Variants in TAF4B observed in about 807,000 individuals in gnomAD.
TAF4B encodes transcription initiation factor TFIID subunit 4B.
In TAF4B, 38 loss-of-function variants were observed where a neutral mutation model predicts 86.4. The observed-to-expected ratio is 0.44, with a 90% confidence interval of 0.34 to 0.58. The LOEUF is 0.58. TAF4B is among the 20% of genes least tolerant of loss of function. The pLI is 0.02. For synonymous variants in TAF4B, 388 were observed against 391.2 expected, an observed-to-expected ratio of 0.99 and a Z score of 0.10; for missense variants, 988 against 1,027.6, an observed-to-expected ratio of 0.96 and a Z score of 0.53.
chr18:26,305,969 G>C (rs1187373648), intron 9 of TAF4B, among the ~76,000 whole-genome samples: 1 of 152,106 alleles, frequency 6.6e-6, no homozygotes, highest in Non-Finnish European at 1.5e-5. Context: ...GGTTATATTT[G>C]TTAGAATTTG....
intron 13 of TAF4B, chr18:26,348,468 T>A (rs574551255): frequency 6.5e-6 from 1 of 154,230 alleles, no homozygotes; most frequent in East Asian, 1.9e-4. Flanking sequence ...CTTACAGATG[T>A]AGTAACTGTG....
intron 10 of TAF4B, among the ~76,000 whole-genome samples, chr18:26,319,782 G>A (rs2056946330): frequency 6.6e-6 from 1 of 152,078 alleles, no homozygotes; most frequent in Non-Finnish European, 1.5e-5. Flanking sequence ...TAGAGACGGG[G>A]TTTCACCGTG....
chr18:26,351,614 T>G (rs1284623694), intron 13 of TAF4B, among the ~76,000 whole-genome samples: 1 of 152,132 alleles, frequency 6.6e-6, no homozygotes, highest in Non-Finnish European at 1.5e-5. Flanking sequence ...CCCATAAATA[T>G]GTACAATTAT....
At chr18:26,309,245 A>ATTTTTTTTTTTTTTT (rs59457633) in intron 9 of TAF4B, among the ~76,000 whole-genome samples, 1 of 84,590 alleles carries the variant, frequency 1.2e-5, no homozygotes, top group African/African-American at 3.8e-5. Flanking sequence ...ACCTGACAGT[A>ATTTTTTTTTTTTTTT]TTTTTTTTTT....
At chr18:26,298,401 T>C (rs1302006778) in intron 9 of TAF4B, among the ~76,000 whole-genome samples, 1 of 151,554 alleles carries the variant, frequency 6.6e-6, no homozygotes, top group East Asian at 2.0e-4. Flanking sequence ...GCTAATTTTG[T>C]TTTTGTATTT....
intron 1 of TAF4B, among the ~76,000 whole-genome samples, chr18:26,228,565 C>T (rs2055614014): frequency 6.6e-6 from 1 of 152,076 alleles, no homozygotes; most frequent in African/African-American, 2.4e-5. Context: ...AATGAAATTA[C>T]CCCCTAATTT....
intron 14 of TAF4B, 99 bp from the exon 15 acceptor site, chr18:26,389,746 G>C: frequency 7.8e-7 from 1 of 1,275,394 alleles, no homozygotes; most frequent in Non-Finnish European, 1.1e-6. Flanking sequence ...ACCTAACCCA[G>C]TGACCAGAGG....
intron 14 of TAF4B, among the ~76,000 whole-genome samples, chr18:26,387,340 T>G (rs1276084154): frequency 2.0e-5 from 3 of 152,180 alleles, no homozygotes; most frequent in African/African-American, 7.2e-5. Context: ...ATGTTGTAGT[T>G]TTAAATGGGT....
chr18:26,264,802 GTGATA>G (rs1359152752), intron 1 of TAF4B, among the ~76,000 whole-genome samples: 2 of 152,146 alleles, frequency 1.3e-5, no homozygotes, highest in Non-Finnish European at 1.5e-5. Context: ...TTAGGAAAAT[GTGATA>G]TGATATATCT....
chr18:26,343,877 A>G (rs2057155582), intron 13 of TAF4B, among the ~76,000 whole-genome samples: 2 of 152,232 alleles, frequency 1.3e-5, no homozygotes, highest in African/African-American at 4.8e-5. Context: ...TCAGGATACA[A>G]TACAAAATCA....
At chr18:26,312,031 G>T (rs2056858735) in intron 9 of TAF4B, among the ~76,000 whole-genome samples, 1 of 152,196 alleles carries the variant, frequency 6.6e-6, no homozygotes, top group Non-Finnish European at 1.5e-5. Flanking sequence ...ACACTCCATA[G>T]AATCTTGAGT....
intron 13 of TAF4B, among the ~76,000 whole-genome samples, chr18:26,346,759 G>GTGTGTATATATATATATATATATATA (rs1202008455): frequency 3.7e-5 from 1 of 27,112 alleles, no homozygotes; most frequent in East Asian, 1.9e-3. Context: ...ATATATGTGT[G>GTGTGTATATATATATATATATATATA]TATATATATA....
Position 26,321,264 on chromosome 18 carries a change from T to C in TAF4B, c.2133+64T>C, listed in dbSNP as rs56656290. 5.1e-3 allele frequency: 7,964 copies of C among 1,563,746 alleles called. 354 individuals are homozygous for C. The African/African-American group carries it at 0.096, about 19-fold the overall frequency. ...TTATAGGTAGTCTTTTGGGCGTGGA[T>C]TGATATTCTAAACACGTTTTTAAAG... On this transcript the variant is annotated intron_variant, in intron 11 of 14. Coordinates refer to ENST00000269142, the MANE Select transcript of TAF4B (RefSeq NM_005640.3).
intron 11 of TAF4B, among the ~76,000 whole-genome samples, chr18:26,324,762 A>G (rs1350215480): frequency 6.6e-6 from 1 of 152,192 alleles, no homozygotes; most frequent in African/African-American, 2.4e-5. Context: ...CACTGTCTAC[A>G]TTTGCGTATA....
At chr18:26,357,529 A>C (rs114013059) in intron 13 of TAF4B, among the ~76,000 whole-genome samples, 161 bp from the exon 14 acceptor site, 2,938 of 152,284 alleles carry the variant, frequency 0.019, 83 homozygotes, top group African/African-American at 0.067. Flanking sequence ...GTTGGTGTAA[A>C]AGAATCAGAA....
chr18:26,384,013 T>G (rs188238488), intron 14 of TAF4B, among the ~76,000 whole-genome samples: 1 of 152,340 alleles, frequency 6.6e-6, no homozygotes. Context: ...GCACATTTAT[T>G]TATTTTTGCT....
intron 9 of TAF4B, among the ~76,000 whole-genome samples, chr18:26,306,815 G>T (rs982190586): frequency 1.8e-5 from 1 of 54,998 alleles, no homozygotes; most frequent in Non-Finnish European, 3.4e-5. Flanking sequence ...GTCTCACTCT[G>T]TCTCCCAGGC....
chr18:26,298,805 A>G (rs1478724696), intron 9 of TAF4B, among the ~76,000 whole-genome samples: 1 of 148,080 alleles, frequency 6.8e-6, no homozygotes, highest in Non-Finnish European at 1.5e-5. Flanking sequence ...GCAGTCTCCC[A>G]GAGTGCTGGG....
At chr18:26,231,838 A>G (rs1043351177) in intron 1 of TAF4B, among the ~76,000 whole-genome samples, 2 of 152,128 alleles carry the variant, frequency 1.3e-5, no homozygotes, top group African/African-American at 4.8e-5. Context: ...AAGCTTCCAC[A>G]GTGTGGAAGG....
Sources: allele counts gnomAD v4.1 joint callset (sites outside exome capture counted in the v4.1 genomes callset), GRCh38; gene constraint gnomAD v4.1.1; transcripts MANE v1.5; gene names NCBI Gene and HGNC (gene_info 2026-07-23, HGNC 2026-07-21).